NALF1: variants seen among roughly 807,000 people sequenced by gnomAD.
NALF1 encodes NALCN channel auxiliary factor 1.
NALF1 carries 3 observed loss-of-function variants against 48.4 expected under a neutral mutation model. That is an observed-to-expected ratio of 0.06 (90% confidence interval 0.03 to 0.16). The LOEUF is 0.16. Among genes scored for constraint, NALF1 ranks in the 10% least tolerant of loss-of-function variants. NALF1 has a pLI of 1.00. For missense variants in NALF1, 526 were observed against 571.5 expected (o/e 0.92, Z 0.81); for synonymous variants, 262 against 245.7 (o/e 1.07, Z -0.62).
chr13:107,300,684 G>A lies in NALF1; in HGVS notation c.916-89929C>T, dbSNP rs545059252. On this transcript the variant is annotated intron_variant, in intron 1 of 2. Coordinates refer to ENST00000375915, the MANE Select transcript of NALF1 (RefSeq NM_001080396.3). ...TAGCAGTTGCCATTTCCTTATTGATGGGTCATGGAATGAAATATAAAAGTA... is the reference window on the plus strand; with the variant it reads ...TAGCAGTTGCCATTTCCTTATTGATAGGTCATGGAATGAAATATAAAAGTA... Among the ~76,000 whole-genome samples, 9 of 152,106 alleles carry A rather than the reference G, an allele frequency of 5.9e-5. 1 individual carries two copies. The South Asian group carries it at 1.7e-3, about 28-fold the overall frequency.
intron 1 of NALF1, among the ~76,000 whole-genome samples, chr13:107,484,417 T>A (rs1017058444): frequency 5.9e-5 from 9 of 152,250 alleles, no homozygotes; most frequent in Admixed American, 1.3e-4. Context: ...TATTATGAAA[T>A]CCCCATAAGG....
At chr13:107,288,500 G>A (rs1210213852) in intron 1 of NALF1, among the ~76,000 whole-genome samples, 2 of 149,680 alleles carry the variant, frequency 1.3e-5, no homozygotes, top group African/African-American at 2.5e-5. Context: ...GATTACAGGC[G>A]TGAGCCACCG....
chr13:107,416,946 G>T (rs9514677), intron 1 of NALF1, among the ~76,000 whole-genome samples: 33,518 of 152,146 alleles, frequency 0.22, 4,121 homozygotes, highest in Middle Eastern at 0.28. Context: ...GACCCGATGT[G>T]GAATTGACTT....
At chr13:107,528,529 C>T (rs76128489) in intron 1 of NALF1, among the ~76,000 whole-genome samples, 2,355 of 152,218 alleles carry the variant, frequency 0.015, 53 homozygotes, top group African/African-American at 0.054. Context: ...CTCCAAAACC[C>T]TCTCTCTAAA....
intron 1 of NALF1, among the ~76,000 whole-genome samples, chr13:107,522,479 G>A (rs1371338010): frequency 1.3e-5 from 2 of 151,884 alleles, no homozygotes; most frequent in Non-Finnish European, 2.9e-5. Context: ...GAATTTATCT[G>A]TATATATGTG....
chr13:107,564,623 A>G (rs1877742292), intron 1 of NALF1, among the ~76,000 whole-genome samples: 1 of 152,172 alleles, frequency 6.6e-6, no homozygotes, highest in African/African-American at 2.4e-5. Context: ...CTCCACATAT[A>G]AAGTATGGAT....
chr13:107,800,050 C>G (rs1193920649), intron 1 of NALF1, among the ~76,000 whole-genome samples: 5 of 152,172 alleles, frequency 3.3e-5, no homozygotes, highest in African/African-American at 1.2e-4. Flanking sequence ...TTCTGAAGAA[C>G]CAAACTATGC....
intron 1 of NALF1, among the ~76,000 whole-genome samples, chr13:107,477,659 A>C (rs1430766410): frequency 6.6e-6 from 1 of 152,000 alleles, no homozygotes; most frequent in Non-Finnish European, 1.5e-5. Context: ...CGTGTGACTA[A>C]ATTTCAGACA....
intron 1 of NALF1, among the ~76,000 whole-genome samples, chr13:107,685,088 G>C (rs1024699060): frequency 6.6e-6 from 1 of 152,182 alleles, no homozygotes; most frequent in African/African-American, 2.4e-5. Flanking sequence ...GCCAAGGCAG[G>C]CGGATCAGGA....
At chr13:107,847,500 C>T (rs1880203373) in intron 1 of NALF1, among the ~76,000 whole-genome samples, 1 of 152,192 alleles carries the variant, frequency 6.6e-6, no homozygotes, top group African/African-American at 2.4e-5. Context: ...ATGTCAGTCT[C>T]GTGATGACAT....
chr13:107,690,358 T>C (rs11841941), intron 1 of NALF1, among the ~76,000 whole-genome samples: 22,104 of 152,228 alleles, frequency 0.15, 1,877 homozygotes, highest in Non-Finnish European at 0.19. Flanking sequence ...GAACATCACA[T>C]TCTTAGTGTG....
At chr13:107,440,017 C>T (rs1365450877) in intron 1 of NALF1, among the ~76,000 whole-genome samples, 5 of 152,116 alleles carry the variant, frequency 3.3e-5, no homozygotes, top group African/African-American at 9.7e-5. Context: ...AATACTTTCA[C>T]TTAATATTTT....
chr13:107,354,805 G>A (rs1171658170), intron 1 of NALF1, among the ~76,000 whole-genome samples: 2 of 152,096 alleles, frequency 1.3e-5, no homozygotes, highest in Non-Finnish European at 2.9e-5. Context: ...TGGTGGGAGA[G>A]GGTTTTGTTT....
rs992103815 is a variant in NALF1 at position 107,326,821 on chromosome 13, C to T, written c.916-116066G>A. ...GAGGGTGATCTTAATTAGAGGATTCCCTCACATGATCCAGCCAGGCTAGCC... is the reference window on the plus strand; with the variant it reads ...GAGGGTGATCTTAATTAGAGGATTCTCTCACATGATCCAGCCAGGCTAGCC... On this transcript the variant is annotated intron_variant, in intron 1 of 2. Transcript: ENST00000375915. Among the ~76,000 whole-genome samples the T allele has an allele frequency of 4.6e-5, 7 of 151,858 alleles. No individual in the cohort carries two copies. The South Asian group carries it at 1.0e-3, about 23-fold the overall frequency.
chr13:107,186,800 A>C (rs1879184761), intron 2 of NALF1, among the ~76,000 whole-genome samples: 1 of 152,204 alleles, frequency 6.6e-6, no homozygotes, highest in Admixed American at 6.5e-5. Flanking sequence ...GTTATCTCAT[A>C]GTTCTGTAAG....
intron 1 of NALF1, among the ~76,000 whole-genome samples, chr13:107,545,056 G>A (rs765319880): frequency 2.0e-5 from 3 of 152,138 alleles, no homozygotes; most frequent in African/African-American, 4.8e-5. Flanking sequence ...ATATGCCGAC[G>A]TCCTAACCCT....
At chr13:107,314,169 T>C (rs1882099225) in intron 1 of NALF1, among the ~76,000 whole-genome samples, 2 of 152,242 alleles carry the variant, frequency 1.3e-5, no homozygotes, top group African/African-American at 4.8e-5. Context: ...GTCTACTCTG[T>C]TTCTCTCCAG....
At chr13:107,420,752 A>G (rs979035878) in intron 1 of NALF1, among the ~76,000 whole-genome samples, 1 of 152,308 alleles carries the variant, frequency 6.6e-6, no homozygotes. Context: ...CAATTTTGTT[A>G]AATCCATAGA....
At chr13:107,458,194 C>T (rs1037382977) in intron 1 of NALF1, among the ~76,000 whole-genome samples, 1 of 152,078 alleles carries the variant, frequency 6.6e-6, no homozygotes, top group African/African-American at 2.4e-5. Flanking sequence ...CAGAAAAAAA[C>T]AGCATTGAAG....
Sources: allele counts gnomAD v4.1 joint callset (sites outside exome capture counted in the v4.1 genomes callset), GRCh38; gene constraint gnomAD v4.1.1; transcripts MANE v1.5; gene names NCBI Gene and HGNC (gene_info 2026-07-23, HGNC 2026-07-21).